Variants in SAMD5 observed in about 807,000 individuals in gnomAD.
The protein encoded by SAMD5 is sterile alpha motif domain containing 5, also known as sterile alpha motif domain-containing protein 5.
A neutral mutation model predicts 11.3 loss-of-function variants in SAMD5; 13 were observed. That is an observed-to-expected ratio of 1.15 (90% CI 0.75 to 1.83). The LOEUF (loss-of-function observed/expected upper bound fraction) is 1.83. SAMD5 is among the 40% of genes most tolerant of loss of function. The pLI, the probability that SAMD5 is intolerant of heterozygous loss-of-function variation, is 0.00. For synonymous variants in SAMD5, 129 were observed against 111.3 expected, an observed-to-expected ratio of 1.16 and a Z score of -1.00; for missense variants, 255 against 239.1, an observed-to-expected ratio of 1.07 and a Z score of -0.44.
intron 1 of SAMD5, among the ~76,000 whole-genome samples, chr6:147,694,156 T>C (rs1791142885): frequency 6.6e-6 from 1 of 152,220 alleles, no homozygotes; most frequent in Non-Finnish European, 1.5e-5. Context: ...AGTTCTTTGT[T>C]CACTTGCGGC....
At chr6:147,825,720 T>A in the SAMD5 span, among the ~76,000 whole-genome samples, 4 of 152,256 alleles carry the variant, frequency 2.6e-5, no homozygotes, top group Admixed American at 2.6e-4. Flanking sequence ...TTCAAAATTT[T>A]AAAATCCCAT....
chr6:147,950,332 C>T, the SAMD5 span, among the ~76,000 whole-genome samples: 3 of 152,284 alleles, frequency 2.0e-5, no homozygotes, highest in South Asian at 4.1e-4. Context: ...TGAAGAGTAT[C>T]TGCTCTGCCT....
the SAMD5 span, among the ~76,000 whole-genome samples, chr6:147,940,189 A>G: frequency 9.4e-5 from 14 of 148,328 alleles, no homozygotes; most frequent in African/African-American, 3.5e-4. Flanking sequence ...CTCCCAGGTC[A>G]TTGGCAGAAT....
chr6:147,560,990 A>T (rs190235833), intron 1 of SAMD5, among the ~76,000 whole-genome samples: 32 of 152,338 alleles, frequency 2.1e-4, no homozygotes, highest in Non-Finnish European at 3.7e-4. Context: ...GAATAGACTA[A>T]CTGTGATGTA....
chr6:147,545,080 T>C (rs1466188366), intron 1 of SAMD5, among the ~76,000 whole-genome samples: 3 of 152,224 alleles, frequency 2.0e-5, no homozygotes, highest in Non-Finnish European at 2.9e-5. Context: ...TACAGAGATT[T>C]GCTGTTGCGT....
the SAMD5 span, among the ~76,000 whole-genome samples, chr6:147,874,339 T>A: frequency 6.6e-6 from 1 of 152,222 alleles, no homozygotes; most frequent in Non-Finnish European, 1.5e-5. Flanking sequence ...AACATGCCCA[T>A]GTGTTGCATT....
chr6:147,693,410 G>A (rs1428854628), intron 1 of SAMD5, among the ~76,000 whole-genome samples: 1 of 152,222 alleles, frequency 6.6e-6, no homozygotes, highest in Admixed American at 6.5e-5. Context: ...GGGTACTTGA[G>A]GAAGATTCAT....
At chr6:147,895,365 C>T in the SAMD5 span, among the ~76,000 whole-genome samples, 82 of 152,204 alleles carry the variant, frequency 5.4e-4, no homozygotes, top group Admixed American at 2.9e-3. Context: ...GGAATATATT[C>T]AAGGCTTTCT....
intron 1 of SAMD5, among the ~76,000 whole-genome samples, chr6:147,712,732 G>C (rs1562357797): frequency 1.3e-5 from 2 of 151,920 alleles, no homozygotes; most frequent in African/African-American, 4.8e-5. Context: ...AGGCAAGGTG[G>C]CTGTCTACAA....
chr6:147,713,205 A>G (rs1311386256), intron 1 of SAMD5, among the ~76,000 whole-genome samples: 2 of 152,248 alleles, frequency 1.3e-5, no homozygotes, highest in African/African-American at 4.8e-5. Context: ...CTTTCCTGAC[A>G]TACAACTTTG....
chr6:147,879,205 C>T, the SAMD5 span, among the ~76,000 whole-genome samples: 8 of 152,218 alleles, frequency 5.3e-5, no homozygotes, highest in Non-Finnish European at 2.9e-5. Context: ...CTCCAGGCTG[C>T]GCTGAAGAAG....
the SAMD5 span, among the ~76,000 whole-genome samples, chr6:147,846,551 G>A: frequency 6.6e-6 from 1 of 152,140 alleles, no homozygotes; most frequent in East Asian, 1.9e-4. Context: ...AGCTTTTTAG[G>A]CCACGTGCAG....
At chr6:147,761,445 G>T in the SAMD5 span, among the ~76,000 whole-genome samples, 2 of 151,990 alleles carry the variant, frequency 1.3e-5, no homozygotes, top group Non-Finnish European at 1.5e-5. Context: ...ACAAGATATG[G>T]GCTTTGATAG....
At chr6:147,848,174 T>A in the SAMD5 span, among the ~76,000 whole-genome samples, 1 of 152,172 alleles carries the variant, frequency 6.6e-6, no homozygotes, top group South Asian at 2.1e-4. Context: ...TTAAAGAGCA[T>A]TTACACGATA....
chr6:147,731,768 A>G (rs1352373634), intron 1 of SAMD5, among the ~76,000 whole-genome samples: 1 of 148,648 alleles, frequency 6.7e-6, no homozygotes, highest in Non-Finnish European at 1.5e-5. Context: ...TTTAGCTCCA[A>G]TAGTAAAGCA....
chr6:147,757,492 G>T, the SAMD5 span, among the ~76,000 whole-genome samples: 2 of 152,100 alleles, frequency 1.3e-5, no homozygotes, highest in Non-Finnish European at 2.9e-5. Flanking sequence ...ACTCTATTTG[G>T]TTAAGAGACA....
chr6:147,892,835 C>G, the SAMD5 span, among the ~76,000 whole-genome samples: 1 of 152,082 alleles, frequency 6.6e-6, no homozygotes, highest in South Asian at 2.1e-4. Flanking sequence ...TAATACTCAT[C>G]TCTTCATTTA....
chr6:147,726,184 A>G (rs577014085), intron 1 of SAMD5, among the ~76,000 whole-genome samples: 26 of 152,146 alleles, frequency 1.7e-4, no homozygotes, highest in Non-Finnish European at 3.1e-4. Context: ...ACAAATGGAA[A>G]ATTATCTGAA....
the SAMD5 span, among the ~76,000 whole-genome samples, chr6:147,813,438 G>A: frequency 6.6e-6 from 1 of 152,152 alleles, no homozygotes; most frequent in Non-Finnish European, 1.5e-5. Context: ...GGATTTGTCT[G>A]TGTTTTCATT....
Sources: gnomAD v4.1 joint callset for allele counts (sites outside exome capture counted in the v4.1 genomes callset) on GRCh38, gnomAD v4.1.1 for gene constraint, MANE v1.5 for transcripts, NCBI Gene and HGNC (gene_info 2026-07-23, HGNC 2026-07-21) for gene names.